Variants in TSTD2 observed in about 807,000 individuals in gnomAD.
The protein encoded by TSTD2 is thiosulfate sulfurtransferase like domain containing 2, also known as thiosulfate sulfurtransferase/rhodanese-like domain-containing protein 2.
A neutral mutation model predicts 47.9 loss-of-function variants in TSTD2; 37 were observed. That is an observed-to-expected ratio of 0.77 (90% CI 0.59 to 1.02). TSTD2 has a LOEUF of 1.02. TSTD2 is among the 50% of genes least tolerant of loss of function. The probability of loss-of-function intolerance (pLI) is 0.00; values close to 1 mark genes in which losing one functional copy is unlikely to be tolerated. For synonymous variants in TSTD2, 201 were observed against 215.9 expected, an observed-to-expected ratio of 0.93 and a Z score of 0.61; for missense variants, 586 against 616.0, an observed-to-expected ratio of 0.95 and a Z score of 0.52.
rs1173111399 is a variant in TSTD2 at position 97,627,464 on chromosome 9, G to A, written c.99C>T (p.Pro33=). The A allele has an allele frequency of 1.9e-6, 3 of 1,612,640 alleles. No homozygotes were observed. Among genetic ancestry groups the A allele is most frequent in the African/African-American group, 1.3e-5 (1 of 74,834 alleles). Reference sequence around the variant, plus strand: ...CTAATTCTGCTTTAAGACTGCTGCTGGGATTAATAAGACTCATATCTTTTA... The same window carrying A: ...CTAATTCTGCTTTAAGACTGCTGCTAGGATTAATAAGACTCATATCTTTTA... ...LDLKDMSLIN[P]SSSLKAELDG... The change falls in exon 2 of 10, where the codon CCC becomes CCT. Residue 33 remains proline, a synonymous_variant. Transcript: ENST00000341170.
Position 97,610,380 on chromosome 9 carries a change from C to T in TSTD2, c.801G>A (p.Gly267=). The part of the protein sequence containing the change: ...VGVFEEIVPM[G]ISPKKISYKK... ...TGTAGGAGATCTTTTTGGGGCTGAT[C>T]CCCATGGGCACGATTTCTTCAAATA... is the stretch of plus-strand genomic sequence containing the variant. The change falls in exon 6 of 10, where the codon GGG becomes GGA. Residue 267 remains glycine (G), a synonymous_variant. Transcript: ENST00000341170. The T allele has an allele frequency of 6.2e-7, 1 of 1,603,274 alleles. No individual in the cohort carries two copies. Among genetic ancestry groups the T allele is most frequent in the Non-Finnish European group, 8.5e-7 (1 of 1,175,776 alleles).
chr9:97,607,901 C>T (rs986759210), intron 6 of TSTD2, among the ~76,000 whole-genome samples: 4 of 151,300 alleles, frequency 2.6e-5, no homozygotes, highest in Admixed American at 1.3e-4. Flanking sequence ...AAAGGCCAGG[C>T]GTGGGTGAGG....
intron 3 of TSTD2, among the ~76,000 whole-genome samples, chr9:97,623,876 C>A (rs758665586): frequency 5.3e-5 from 8 of 151,882 alleles, no homozygotes; most frequent in Non-Finnish European, 7.4e-5. Flanking sequence ...AAGAAAAAAC[C>A]TCACAAACAA....
At chr9:97,623,741 C>T (rs113294239) in intron 3 of TSTD2, among the ~76,000 whole-genome samples, 3,775 of 152,136 alleles carry the variant, frequency 0.025, 167 homozygotes, top group African/African-American at 0.086. Context: ...CCTGTAATCC[C>T]AGCTACTCGG....
rs116404776 is a variant in TSTD2, at chr9:97,632,255, A to G, written c.-51+988T>C. ...GAGACCTTCAGGTAAAGGAAATAGT[A>G]TAAGTTCCTAAAATAAGAACAAGCT... On this transcript the variant is annotated intron_variant, in intron 1 of 9. Coordinates refer to ENST00000341170, the MANE Select transcript of TSTD2 (RefSeq NM_139246.5). 1.9e-3 allele frequency among the ~76,000 whole-genome samples: 282 copies of G among 152,384 alleles called. 2 individuals carry two copies. The highest frequency in any genetic ancestry group is 6.6e-3 in the African/African-American group (273 of 41,598).
In TSTD2 at chr9:97,610,145, G is replaced by A. The variant is rs1047733194; in HGVS notation, c.835+201C>T. On this transcript the variant is annotated intron_variant, in intron 6 of 9. Transcript: ENST00000341170. The stretch of plus-strand genomic sequence containing the variant: ...ACCATCACCAAGAGGAATAAGATAG[G>A]TCACTCGAAGAGGTGAGTCTTCAAC... 9.5e-6 allele frequency: 4 copies of A among 420,430 alleles called. No homozygotes were observed. In the Admixed American group the frequency reaches 1.4e-4, roughly 14 times the overall value. The allele number at this position is 420,430 out of a possible 1,614,324, so 26.0% of individuals were successfully genotyped here. A position where few individuals can be genotyped will look rare whatever the true frequency, so the allele number is the denominator to read the frequency against.
intron 9 of TSTD2, chr9:97,604,499 C>T: frequency 3.8e-6 from 2 of 530,896 alleles, no homozygotes; most frequent in East Asian, 7.0e-5. Flanking sequence ...ATGGGCTTGT[C>T]CAGCTAGCAA....
At chr9:97,630,613 C>G (rs1424336925) in intron 1 of TSTD2, among the ~76,000 whole-genome samples, 2 of 152,232 alleles carry the variant, frequency 1.3e-5, no homozygotes, top group Non-Finnish European at 2.9e-5. Context: ...TCTATCTATA[C>G]TTACCCTACA....
rs776422993 is a variant in TSTD2, at chr9:97,611,636, A to G, written c.667T>C (p.Tyr223His). Residue 223 changes from tyrosine to histidine, a missense_variant, in exon 5 of 10, where the codon TAT becomes CAT. By Grantham distance (83) the Tyr-to-His change is moderately conservative (BLOSUM62 2). Coordinates refer to ENST00000341170, the MANE Select transcript of TSTD2 (RefSeq NM_139246.5). Reference sequence around the variant, plus strand: ...GGGAAGGAAAGCATGACTTCCACATAAAGTCTGGTAGCCAATTTGCTTCCA... The same window carrying G: ...GGGAAGGAAAGCATGACTTCCACATGAAGTCTGGTAGCCAATTTGCTTCCA... Reference protein sequence around the residue: ...VGGSKLATRLYVEVMLSFPLF... With the variant: ...VGGSKLATRLHVEVMLSFPLF... 6.2e-7 allele frequency: 1 copy of G among 1,611,070 alleles called. No homozygotes were observed. The highest frequency in any genetic ancestry group is 8.5e-7 in the Non-Finnish European group (1 of 1,177,308).
chr9:97,625,624 TCATTGTGGTTGGAAAAATA>T, intron 3 of TSTD2, 38 bp downstream of exon 3: 1 of 1,499,306 alleles, frequency 6.7e-7, no homozygotes. Flanking sequence ...TTGTAGTATC[TCATTGTGGTTGGAAAAATA>T]CTTTAAATCA....
chr9:97,611,652 T>G lies in TSTD2; in HGVS notation c.651A>C (p.Lys217Asn). 1.2e-6 allele frequency: 2 copies of G among 1,611,186 alleles called. No homozygotes were observed. Among genetic ancestry groups the G allele is most frequent in the Non-Finnish European group, 1.7e-6 (2 of 1,177,450 alleles). ...EGINGTVGGS[K>N]LATRLYVEVM... ...CTTCCACATAAAGTCTGGTAGCCAA[T>G]TTGCTTCCACCAACTGTCCCATTGA... is the stretch of plus-strand genomic sequence containing the variant. Residue 217 changes from lysine (K) to asparagine (N), a missense_variant, in exon 5 of 10, where the codon AAA becomes AAC. By Grantham distance (94) the Lys-to-Asn change is moderately conservative (BLOSUM62 0). Coordinates refer to ENST00000341170, the MANE Select transcript of TSTD2 (RefSeq NM_139246.5).
intron 7 of TSTD2, 127 bp from the exon 8 acceptor site, chr9:97,605,768 ACT>A: frequency 2.5e-6 from 3 of 1,215,354 alleles, no homozygotes; most frequent in Non-Finnish European, 3.4e-6. Context: ...TCTCATCCCC[ACT>A]CTGACCTTTC....
intron 3 of TSTD2, among the ~76,000 whole-genome samples, chr9:97,619,498 G>A (rs1373317485): frequency 1.3e-5 from 2 of 151,974 alleles, no homozygotes; most frequent in East Asian, 3.9e-4. Flanking sequence ...TATGTATTAC[G>A]ATTTTCTTTT....
In TSTD2 at chr9:97,627,470, A is replaced by C; in HGVS notation, c.93T>G (p.Ile31Met). 2 of 1,613,694 alleles carry C rather than the reference A, an allele frequency of 1.2e-6. No homozygotes were observed. The highest frequency in any genetic ancestry group is 1.7e-6 in the Non-Finnish European group (2 of 1,179,672). Residue 31 changes from isoleucine to methionine, a missense_variant, in exon 2 of 10, where the codon ATT (isoleucine) becomes ATG (methionine). Transcript: ENST00000341170. Reference sequence around the variant, plus strand: ...CTGCTTTAAGACTGCTGCTGGGATTAATAAGACTCATATCTTTTAAATCCA... The same window carrying C: ...CTGCTTTAAGACTGCTGCTGGGATTCATAAGACTCATATCTTTTAAATCCA... ...SDLDLKDMSL[I>M]NPSSSLKAEL...
chr9:97,608,840 C>A (rs1386522079), intron 6 of TSTD2, among the ~76,000 whole-genome samples: 1 of 152,194 alleles, frequency 6.6e-6, no homozygotes, highest in Admixed American at 6.5e-5. Context: ...TTCCCAGATG[C>A]CTGTATCCTA....
chr9:97,625,771 T>C lies in TSTD2; in HGVS notation c.392A>G (p.Lys131Arg), dbSNP rs1055381530. ...TGGAAGGCACTCTTTTAAAGGGTTCTTTTCATCTGCAGACGAAAGACTCTT... is the reference window on the plus strand; with the variant it reads ...TGGAAGGCACTCTTTTAAAGGGTTCCTTTCATCTGCAGACGAAAGACTCTT... ...TSKSLSSADE[K>R]NPLKECLPHS... The change falls in exon 3 of 10, where the codon AAG becomes AGG. Residue 131 changes from lysine to arginine, a missense_variant. Lys to Arg is a conservative substitution (Grantham distance 26). Transcript: ENST00000341170. 1 of 1,614,198 alleles carries C rather than the reference T, an allele frequency of 6.2e-7. No individual in the cohort carries two copies. Among genetic ancestry groups the C allele is most frequent in the Non-Finnish European group, 8.5e-7 (1 of 1,179,998 alleles).
intron 3 of TSTD2, among the ~76,000 whole-genome samples, chr9:97,623,951 T>C (rs1005408812): frequency 1.3e-5 from 2 of 152,194 alleles, no homozygotes; most frequent in Non-Finnish European, 2.9e-5. Flanking sequence ...AGTATGCATG[T>C]TATTGGCCTA....
At position 97,605,031 on chromosome 9, in the gene TSTD2, C is replaced by T. The variant is rs745810406; in HGVS notation, c.1114-166G>A. On this transcript the variant is annotated intron_variant, in intron 8 of 9. Coordinates refer to ENST00000341170, the MANE Select transcript of TSTD2 (RefSeq NM_139246.5). ...CTGCGGGACACTGAGGAATTGCTGA[C>T]CAAGGGGTCAAGGCACCAACTGGCC... 958 of 896,004 alleles carry T rather than the reference C, an allele frequency of 1.1e-3. 1 individual carries two copies. Among genetic ancestry groups the T allele is most frequent in the Non-Finnish European group, 1.2e-3 (907 of 748,142 alleles). 55.5% of individuals were successfully genotyped at this position (896,004 alleles called of 1,614,324 possible). A position where few individuals can be genotyped will look rare whatever the true frequency, so the allele number is the denominator to read the frequency against.
intron 9 of TSTD2, 69 bp from the exon 10 acceptor site, chr9:97,602,836 C>G (rs774968623): frequency 8.9e-6 from 13 of 1,461,424 alleles, no homozygotes. Flanking sequence ...GCATTGCTCC[C>G]TTTGCTGACT....
Sources: allele counts gnomAD v4.1 joint callset (sites outside exome capture counted in the v4.1 genomes callset), GRCh38; gene constraint gnomAD v4.1.1; transcripts MANE v1.5; gene names NCBI Gene and HGNC (gene_info 2026-07-23, HGNC 2026-07-21).